KAZN: variants seen among roughly 807,000 people sequenced by gnomAD.
KAZN encodes kazrin, periplakin interacting protein.
A neutral mutation model predicts 87.4 loss-of-function variants in KAZN; 40 were observed. The ratio of observed to expected loss-of-function variants is 0.46; its 90% CI spans 0.36 to 0.60. KAZN has a LOEUF of 0.60. Ranked by LOEUF, KAZN falls within the 20% of genes least tolerant of loss-of-function variation. The pLI is 0.00. For synonymous variants in KAZN, 466 were observed against 458.3 expected (o/e 1.02, Z -0.22); for missense variants, 898 against 1,073.9 (o/e 0.84, Z 2.29).
At chr1:14,725,700 T>G (rs554192677) in intron 1 of KAZN, among the ~76,000 whole-genome samples, 17 of 152,194 alleles carry the variant, frequency 1.1e-4, no homozygotes, top group South Asian at 4.2e-4. Flanking sequence ...GAGTCCCAAT[T>G]TTTCCTGGTT....
Position 15,081,740 on chromosome 1 carries a change from G to A in KAZN, c.1223-12440G>A, listed in dbSNP as rs1244421484. ...TCAGGCCAAGGGAACGGCAGGTGCAGGGATTGGAGAGGGGGAATTAGGGGC... is the reference window on the plus strand; with the variant it reads ...TCAGGCCAAGGGAACGGCAGGTGCAAGGATTGGAGAGGGGGAATTAGGGGC... On this transcript the variant is annotated intron_variant, in intron 8 of 14. Coordinates refer to ENST00000376030, the MANE Select transcript of KAZN (RefSeq NM_201628.3). The surrounding 1 kb of genome is among the most constrained non-coding windows in gnomAD (Gnocchi z 4.1). Among the ~76,000 whole-genome samples, 1 of 152,194 alleles carries A rather than the reference G, an allele frequency of 6.6e-6. No individual in the cohort carries two copies. Among genetic ancestry groups the A allele is most frequent in the African/African-American group, 2.4e-5 (1 of 41,448 alleles).
chr1:14,751,002 C>T (rs1298528237), intron 1 of KAZN, among the ~76,000 whole-genome samples: 1 of 152,180 alleles, frequency 6.6e-6, no homozygotes, highest in Non-Finnish European at 1.5e-5. Flanking sequence ...GAATGGTTCC[C>T]TTGTTACGTG....
chr1:15,020,942 C>T (rs1423668396), intron 2 of KAZN, among the ~76,000 whole-genome samples: 1 of 152,138 alleles, frequency 6.6e-6, no homozygotes, highest in Non-Finnish European at 1.5e-5. Context: ...TCTCTGCAGC[C>T]TCTCTCCTCT....
At chr1:14,441,279 A>ATATT (rs747881659) in intron 2 of KAZN, among the ~76,000 whole-genome samples, 1 of 151,940 alleles carries the variant, frequency 6.6e-6, no homozygotes, top group Non-Finnish European at 1.5e-5. Flanking sequence ...ATATATATAT[A>ATATT]TATTTTAAAC....
At chr1:14,049,278 G>A (rs1432536301) in intron 1 of KAZN, among the ~76,000 whole-genome samples, 1 of 150,446 alleles carries the variant, frequency 6.6e-6, no homozygotes, top group Non-Finnish European at 1.5e-5. Flanking sequence ...AGAACACATG[G>A]ACACAAGAAG....
intron 2 of KAZN, among the ~76,000 whole-genome samples, chr1:14,383,195 A>G (rs1295740256): frequency 6.6e-6 from 1 of 151,706 alleles, no homozygotes; most frequent in Non-Finnish European, 1.5e-5. Context: ...GTTTGAGTTC[A>G]TTGTAGATTC....
At chr1:14,059,665 GT>G (rs1185203178) in intron 1 of KAZN, among the ~76,000 whole-genome samples, 2 of 152,170 alleles carry the variant, frequency 1.3e-5, no homozygotes, top group East Asian at 3.9e-4. Flanking sequence ...ATCCATTCAA[GT>G]TGACAACTAA....
intron 1 of KAZN, among the ~76,000 whole-genome samples, chr1:14,010,689 G>A (rs950737795): frequency 6.6e-6 from 1 of 152,168 alleles, no homozygotes; most frequent in Non-Finnish European, 1.5e-5. Context: ...GTTTTGAAAG[G>A]TATGCTTTGA....
chr1:14,860,487 G>T (rs191364774), intron 1 of KAZN, among the ~76,000 whole-genome samples: 1 of 152,220 alleles, frequency 6.6e-6, no homozygotes, highest in East Asian at 1.9e-4. Context: ...GAGCCACCAC[G>T]CCCGGACAGG....
intron 1 of KAZN, among the ~76,000 whole-genome samples, chr1:14,682,967 G>A (rs1189916846): frequency 2.6e-5 from 4 of 152,210 alleles, no homozygotes; most frequent in Admixed American, 6.5e-5. Flanking sequence ...AAGAGCTTCA[G>A]TTCCTACCAG....
At chr1:14,480,060 G>C (rs1351317330) in intron 2 of KAZN, among the ~76,000 whole-genome samples, 2 of 152,174 alleles carry the variant, frequency 1.3e-5, no homozygotes, top group Non-Finnish European at 2.9e-5. Context: ...ACATGACTTG[G>C]GGCATCCATG....
chr1:15,034,711 C>G, intron 2 of KAZN, 38 bp from the exon 3 acceptor site: 3 of 1,612,390 alleles, frequency 1.9e-6, no homozygotes, highest in Non-Finnish European at 2.5e-6. Flanking sequence ...GAGAGGACAG[C>G]TGGGGTCTTG....
At chr1:15,072,319 C>T (rs1639541476) in intron 8 of KAZN, among the ~76,000 whole-genome samples, 1 of 152,172 alleles carries the variant, frequency 6.6e-6, no homozygotes, top group African/African-American at 2.4e-5. Flanking sequence ...GGGCATCGGG[C>T]TGTGTGTGTG....
intron 1 of KAZN, among the ~76,000 whole-genome samples, chr1:14,767,040 C>T (rs1444173158): frequency 9.2e-5 from 14 of 152,090 alleles, no homozygotes; most frequent in Admixed American, 9.2e-4. Context: ...TGCCCTGGTG[C>T]TGAATCTTAG....
chr1:15,093,235 G>T (rs1483344947), intron 8 of KAZN, among the ~76,000 whole-genome samples: 1 of 151,998 alleles, frequency 6.6e-6, no homozygotes, highest in Non-Finnish European at 1.5e-5. Context: ...CACCTCAAAT[G>T]CACGCACCCC....
chr1:15,048,744 C>A (rs1206706495), intron 4 of KAZN, among the ~76,000 whole-genome samples: 1 of 147,972 alleles, frequency 6.8e-6, no homozygotes, highest in Admixed American at 6.7e-5. Context: ...GTCGTCGATC[C>A]TGGGTCGTCG....
chr1:14,364,958 G>T (rs1045551312), intron 2 of KAZN, among the ~76,000 whole-genome samples: 6 of 151,934 alleles, frequency 3.9e-5, no homozygotes, highest in Non-Finnish European at 7.4e-5. Context: ...GGCCAGGATG[G>T]TCTTGAACTC....
intron 2 of KAZN, among the ~76,000 whole-genome samples, chr1:14,181,695 T>A (rs189258528): frequency 1.1e-3 from 170 of 152,004 alleles, no homozygotes; most frequent in African/African-American, 3.9e-3. Context: ...TTCTCCTCTC[T>A]CCCCCAGCCT....
chr1:14,286,521 A>G (rs1208725842), intron 2 of KAZN, among the ~76,000 whole-genome samples: 1 of 152,234 alleles, frequency 6.6e-6, no homozygotes, highest in Non-Finnish European at 1.5e-5. Context: ...GGATTAGACC[A>G]TCCATGTACA....
Sources: allele counts gnomAD v4.1 joint callset (sites outside exome capture counted in the v4.1 genomes callset), GRCh38; gene constraint gnomAD v4.1.1; non-coding constraint Gnocchi (gnomAD v3.1); transcripts MANE v1.5; gene names NCBI Gene and HGNC (gene_info 2026-07-23, HGNC 2026-07-21).